Variants in ATP8B3 observed in about 807,000 individuals in gnomAD.
ATP8B3 encodes phospholipid-transporting ATPase IK.
Under a neutral mutation model 140.9 loss-of-function variants are expected in ATP8B3, and 141 were observed. The observed-to-expected ratio is 1.00, with a 90% CI of 0.87 to 1.15. ATP8B3 has a LOEUF of 1.15. Among genes scored for constraint, ATP8B3 ranks in the 50% most tolerant of loss-of-function variants. The pLI is 0.00. For missense variants in ATP8B3, 1,874 were observed against 1,740.6 expected (o/e 1.08, Z -1.36); for synonymous variants, 765 against 714.6 (o/e 1.07, Z -1.13).
Position 1,805,949 on chromosome 19 carries a change from G to A in ATP8B3, c.760C>T (p.Leu254Phe). 1 of 1,611,168 alleles carries A rather than the reference G, an allele frequency of 6.2e-7. No individual in the cohort carries two copies. Among genetic ancestry groups the A allele is most frequent in the Non-Finnish European group, 8.5e-7 (1 of 1,178,474 alleles). ...CTGGGCTCCGTGCTGGCCAGCAAGA[G>A]CATGTCGGCCTGGTGTGGAGTGGGG... ...RKDNIVPADM[L>F]LLASTEPSSL... The change falls in exon 9 of 29, where the codon CTC (leucine) becomes TTC (phenylalanine). Residue 254 changes from leucine (L) to phenylalanine (F), a missense_variant. Leu to Phe is a conservative substitution (Grantham distance 22, BLOSUM62 0). Around this residue, in one of 3 missense-constraint regions of ATP8B3, gnomAD observed 1,032 missense variants for 963.6 expected, o/e 1.07. Transcript: ENST00000310127. This position sits in a 1 kb window ranked among gnomAD's most constrained non-coding sequence, Gnocchi z 5.2.
At chr19:1,790,916 C>G (rs893504164) in intron 20 of ATP8B3, 84 bp from the exon 21 acceptor site, 1 of 1,262,524 alleles carries the variant, frequency 7.9e-7, no homozygotes, top group Non-Finnish European at 1.1e-6. Context: ...CCGGTGAATC[C>G]TGGCCCGACC....
intron 23 of ATP8B3, 76 bp from the exon 24 acceptor site, chr19:1,789,196 C>T: frequency 3.5e-6 from 3 of 852,580 alleles, no homozygotes; most frequent in South Asian, 1.6e-5. Context: ...CCGCACTGTT[C>T]TGCCCCCTAT....
In ATP8B3 at chr19:1,807,247, G is replaced by T. The variant is rs773900057; in HGVS notation, c.536C>A (p.Thr179Lys). The T allele has an allele frequency of 1.1e-5, 17 of 1,612,514 alleles. No homozygotes were observed. The highest frequency in any genetic ancestry group is 1.4e-5 in the Non-Finnish European group (17 of 1,179,632). ...GGTACTGAGCGAGAACCAGGGCAGC[G>T]TGGAGATGTCGGGAATGCTCTGACG... ...IILQSIPDIS[T>K]LPWFSLSTPM... Residue 179 changes from threonine (T) to lysine (K), a missense_variant, in exon 6 of 29, where the codon ACG becomes AAG. Physicochemically the swap from Thr to Lys is moderately conservative, Grantham distance 78. Coordinates refer to ENST00000310127, the MANE Select transcript of ATP8B3 (RefSeq NM_138813.4). This position sits in a 1 kb window ranked among gnomAD's most constrained non-coding sequence, Gnocchi z 5.9.
intron 2 of ATP8B3, 36 bp from the exon 3 acceptor site, chr19:1,810,719 C>T (rs1235156772): frequency 6.3e-7 from 1 of 1,595,730 alleles, no homozygotes; most frequent in Non-Finnish European, 8.5e-7. Flanking sequence ...ACAGCAGTGA[C>T]CCCAGCCCTT....
intron 24 of ATP8B3, 148 bp downstream of exon 24, chr19:1,788,749 C>T (rs1019873669): frequency 8.2e-6 from 6 of 734,230 alleles, no homozygotes; most frequent in African/African-American, 5.3e-5. Flanking sequence ...CCTCCACTAA[C>T]GCAGCCTTGC....
In ATP8B3 at chr19:1,811,801, G is replaced by A. The variant is rs2069197691; in HGVS notation, c.-65C>T. 4 of 1,492,350 alleles carry A rather than the reference G, an allele frequency of 2.7e-6. No homozygotes were observed. In the East Asian group the frequency reaches 6.9e-5, roughly 26 times the overall value. 92.4% of individuals were successfully genotyped at this position (1,492,350 alleles called of 1,614,324 possible). A position where few individuals can be genotyped will look rare whatever the true frequency, so the allele number is the denominator to read the frequency against. On this transcript the variant is annotated 5_prime_UTR_variant, in exon 2 of 29. Coordinates refer to ENST00000310127, the MANE Select transcript of ATP8B3 (RefSeq NM_138813.4). ...GTTTAGGCTGTGGGACGGGGGAGAG[G>A]TGGGGGAGACCCCCGTGGGGGCAGA...
chr19:1,800,896 T>A lies in ATP8B3; in HGVS notation c.1153-447A>T, dbSNP rs1370683807. Among the ~76,000 whole-genome samples the A allele has an allele frequency of 6.6e-6, 1 of 151,272 alleles. No individual in the cohort carries two copies. The highest frequency in any genetic ancestry group is 2.4e-5 in the African/African-American group (1 of 41,170). On this transcript the variant is annotated intron_variant, in intron 12 of 28. Transcript: ENST00000310127. This position sits in a 1 kb window ranked among gnomAD's most constrained non-coding sequence, Gnocchi z 4.4. ...CAGGCTGGAGTGCAGTGGCGCGATC[T>A]TGGCTCACAGCAAGCTCCGCCTCCC...
intron 14 of ATP8B3, among the ~76,000 whole-genome samples, chr19:1,797,765 G>T (rs1229645544): frequency 6.6e-6 from 1 of 151,104 alleles, no homozygotes; most frequent in South Asian, 2.1e-4. Flanking sequence ...CTCCCAAAGT[G>T]CTGGGATTAC....
At position 1,784,846 on chromosome 19, in the gene ATP8B3, G is replaced by C; in HGVS notation, c.3633C>G (p.Phe1211Leu). 6.2e-7 allele frequency: 1 copy of C among 1,609,878 alleles called. No homozygotes were observed. The highest frequency in any genetic ancestry group is 8.5e-7 in the Non-Finnish European group (1 of 1,178,140). ...TFPVLALRVI[F>L]PALKELRAKE... ...TGGCACGTAGCTCCTTGAGGGCTGG[G>C]AAGATGACTCGGAGGGCCAGGACAG... The change falls in exon 28 of 29, where the codon TTC becomes TTG. Residue 1211 changes from phenylalanine (F) to leucine (L), a missense_variant. Phe to Leu is a conservative substitution (Grantham distance 22). Around this residue, in one of 3 missense-constraint regions of ATP8B3, gnomAD observed 840 missense variants for 760.9 expected, o/e 1.10. Transcript: ENST00000310127.
intron 10 of ATP8B3, among the ~76,000 whole-genome samples, chr19:1,803,284 G>A (rs1252657995): frequency 6.6e-6 from 1 of 152,030 alleles, no homozygotes; most frequent in Non-Finnish European, 1.5e-5. Context: ...AAGAGAGAGG[G>A]GCCACAGGGT....
Position 1,812,267 on chromosome 19 carries a change from G to A in ATP8B3, c.-230C>T, listed in dbSNP as rs567734403. On this transcript the variant is annotated 5_prime_UTR_variant, in exon 1 of 29. Coordinates refer to ENST00000310127, the MANE Select transcript of ATP8B3 (RefSeq NM_138813.4). The stretch of plus-strand genomic sequence containing the variant: ...TGGAACCGTTAGCCCGGTGCCAACG[G>A]TCCTGAAACGGGGGGCGGGATCTCG... 14 of 152,450 alleles carry A rather than the reference G, an allele frequency of 9.2e-5. No homozygotes were observed. The South Asian group carries it at 2.6e-3, about 29-fold the overall frequency. 9.4% of individuals were successfully genotyped at this position (152,450 alleles called of 1,614,324 possible).
At position 1,796,199 on chromosome 19, in the gene ATP8B3, C is replaced by T; in HGVS notation, c.1820G>A (p.Gly607Asp). Residue 607 changes from glycine to aspartate, a missense_variant, in exon 17 of 29, where the codon GGC (glycine) becomes GAC (aspartate). Transcript: ENST00000310127. Reference sequence around the variant, plus strand: ...CTGGGTGCGGGACAGGAACACGTAGCCGAAGTTCCGGGCTGCGGTGACCAG... The same window carrying T: ...CTGGGTGCGGGACAGGAACACGTAGTCGAAGTTCCGGGCTGCGGTGACCAG... ...GALVTAARNF[G>D]YVFLSRTQDT... 1 of 1,612,860 alleles carries T rather than the reference C, an allele frequency of 6.2e-7. No individual in the cohort carries two copies. The highest frequency in any genetic ancestry group is 1.6e-4 in the Middle Eastern group (1 of 6,062).
In ATP8B3 at chr19:1,805,252, G is replaced by T; in HGVS notation, c.904+122C>A. 1.1e-6 allele frequency: 1 copy of T among 951,068 alleles called. No homozygotes were observed. The highest frequency in any genetic ancestry group is 1.6e-6 in the Non-Finnish European group (1 of 608,646). 58.9% of individuals were successfully genotyped at this position (951,068 alleles called of 1,614,324 possible). A position where few individuals can be genotyped will look rare whatever the true frequency, so the allele number is the denominator to read the frequency against. On this transcript the variant is annotated intron_variant, in intron 10 of 28. Transcript: ENST00000310127. The surrounding 1 kb of genome is among the most constrained non-coding windows in gnomAD (Gnocchi z 5.2). ...AGCCTCCCAAAGTGCTGGGATTCCA[G>T]GTGTGAGCCACTGGGCCTGGCCAGC...
At chr19:1,789,236 C>G (rs1164728670) in intron 23 of ATP8B3, 116 bp from the exon 24 acceptor site, 1 of 1,032,910 alleles carries the variant, frequency 9.7e-7, no homozygotes, top group Non-Finnish European at 1.3e-6. Flanking sequence ...CAGGTCCCCC[C>G]AGTCCCACCG....
rs759527013 is a variant in ATP8B3 at position 1,785,109 on chromosome 19, G to A, written c.3532+50C>T. 2.0e-6 allele frequency: 3 copies of A among 1,495,250 alleles called. No individual in the cohort carries two copies. In the East Asian group the frequency reaches 7.3e-5, roughly 36 times the overall value. The allele number at this position is 1,495,250 out of a possible 1,614,324, so 92.6% of individuals were successfully genotyped here. A position where few individuals can be genotyped will look rare whatever the true frequency, so the allele number is the denominator to read the frequency against. On this transcript the variant is annotated intron_variant, in intron 27 of 28. Transcript: ENST00000310127. Reference sequence around the variant, plus strand: ...GAGCAACCTGCAACCTCTTCCATCGGGGCTCCCCTGCACCACGACCGCCCG... The same window carrying A: ...GAGCAACCTGCAACCTCTTCCATCGAGGCTCCCCTGCACCACGACCGCCCG...
rs548118188 is a variant in ATP8B3 at position 1,797,746 on chromosome 19, C to T, written c.1553-741G>A. On this transcript the variant is annotated intron_variant, in intron 14 of 28. Coordinates refer to ENST00000310127, the MANE Select transcript of ATP8B3 (RefSeq NM_138813.4). ...AACTCCTGACCTCCAGTGATCCGCC[C>T]GCCTCAGCCTCCCAAAGTGCTGGGA... is the stretch of plus-strand genomic sequence containing the variant. Among the ~76,000 whole-genome samples, 70 of 151,858 alleles carry T rather than the reference C, an allele frequency of 4.6e-4. 1 individual carries two copies. Among genetic ancestry groups the T allele is most frequent in the African/African-American group, 1.6e-3 (65 of 41,322 alleles).
rs368208630 is a variant in ATP8B3, at chr19:1,787,085, C to G, written c.3153+18G>C. The G allele has an allele frequency of 7.0e-6, 11 of 1,572,726 alleles. No homozygotes were observed. Among genetic ancestry groups the G allele is most frequent in the African/African-American group, 2.7e-5 (2 of 73,996 alleles). On this transcript the variant is annotated intron_variant, in intron 25 of 28. Transcript: ENST00000310127. ...TAAGCAGAGACCTGGAAGGAAGACC[C>G]GGCCTTGCCCTGCTCACCTGCTCAA...
At chr19:1,802,065 A>G (rs1188479283) in intron 11 of ATP8B3, 21 bp from the exon 12 acceptor site, 2 of 1,519,520 alleles carry the variant, frequency 1.3e-6, no homozygotes, top group Non-Finnish European at 1.8e-6. Context: ...GTATCCATCT[A>G]TCCACCCACC....
Position 1,809,679 on chromosome 19 carries a change from C to A in ATP8B3, c.366G>T (p.Glu122Asp). The A allele has an allele frequency of 6.2e-7, 1 of 1,611,486 alleles. No homozygotes were observed. Among genetic ancestry groups the A allele is most frequent in the Non-Finnish European group, 8.5e-7 (1 of 1,179,176 alleles). The change falls in exon 4 of 29, where the codon GAG becomes GAT. Residue 122 changes from glutamate to aspartate, a missense_variant. This residue lies in a region of ATP8B3 where 1,032 missense variants were observed against 963.6 expected (regional missense o/e 1.07). Transcript: ENST00000310127. ...NNRAYNGQFKEKVILCWQRKK... is the reference protein window; with the variant it reads ...NNRAYNGQFKDKVILCWQRKK... ...TCCTTTGCCAGCACAGGATCACCTT[C>A]TCCTTGAACTGCCCGTTGTAGGCAC...
Sources: gnomAD v4.1 joint callset for allele counts (sites outside exome capture counted in the v4.1 genomes callset) on GRCh38, gnomAD v4.1.1 for gene constraint, gnomAD v4.1.1 regional missense constraint, Gnocchi (gnomAD v3.1) non-coding constraint, MANE v1.5 for transcripts, NCBI Gene and HGNC (gene_info 2026-07-23, HGNC 2026-07-21) for gene names.